Variants in AKAP13 observed in about 807,000 individuals in gnomAD.
AKAP13 encodes A-kinase anchoring protein 13, also known as A-kinase anchor protein 13.
AKAP13 carries 80 observed loss-of-function variants against 264.5 expected under a neutral mutation model. That is an observed-to-expected ratio of 0.30 (90% CI 0.25 to 0.36). AKAP13 has a LOEUF of 0.36. Among genes scored for constraint, AKAP13 ranks in the 10% least tolerant of loss-of-function variants. AKAP13 has a pLI of 1.00. For missense variants in AKAP13, 3,712 were observed against 3,435.2 expected (o/e 1.08, Z -2.01); for synonymous variants, 1,380 against 1,250.2 (o/e 1.10, Z -2.19).
At chr15:85,477,570 T>G (rs1002064865) in intron 1 of AKAP13, among the ~76,000 whole-genome samples, 4 of 149,336 alleles carry the variant, frequency 2.7e-5, no homozygotes, top group African/African-American at 9.9e-5. Context: ...TTTCCAGTGC[T>G]GCTTTTTGTG....
chr15:85,719,983 A>G (rs1012884592), intron 23 of AKAP13, among the ~76,000 whole-genome samples: 1 of 151,976 alleles, frequency 6.6e-6, no homozygotes, highest in Non-Finnish European at 1.5e-5. Flanking sequence ...CTGTAATCCC[A>G]ACAGTTCGGG....
In AKAP13 at chr15:85,724,959, T is replaced by G. The variant is rs1264207859; in HGVS notation, c.6746-1451T>G. ...TCCCTCCAGTCTTAATATTCCATGA[T>G]GTTCTGAGAGCCCTAGCTCTCTTTG... On this transcript the variant is annotated intron_variant, in intron 26 of 36. Coordinates refer to ENST00000394518, the MANE Select transcript of AKAP13 (RefSeq NM_007200.5). The surrounding 1 kb of genome is among the most constrained non-coding windows in gnomAD (Gnocchi z 4.2). 6.6e-6 allele frequency among the ~76,000 whole-genome samples: 1 copy of G among 152,214 alleles called. No individual in the cohort carries two copies. The highest frequency in any genetic ancestry group is 1.5e-5 in the Non-Finnish European group (1 of 68,040).
intron 1 of AKAP13, among the ~76,000 whole-genome samples, 188 bp downstream of exon 1, chr15:85,380,986 G>C (rs992860152): frequency 6.6e-6 from 1 of 152,056 alleles, no homozygotes; most frequent in African/African-American, 2.4e-5. Context: ...TCAGGTCTGC[G>C]GACCCCTCCT....
chr15:85,698,034 AAG>A (rs547121128), intron 17 of AKAP13, among the ~76,000 whole-genome samples: 476 of 152,354 alleles, frequency 3.1e-3, no homozygotes, highest in African/African-American at 0.011. Context: ...GGCTTAAAAA[AAG>A]GAATTCTAAA....
chr15:85,442,475 TTATATAATA>T (rs1173438256), intron 1 of AKAP13, among the ~76,000 whole-genome samples: 7 of 120,650 alleles, frequency 5.8e-5, no homozygotes, highest in East Asian at 4.3e-4. Context: ...ATAATATATA[TTATATAATA>T]TATATAATAT....
intron 16 of AKAP13, among the ~76,000 whole-genome samples, chr15:85,692,090 T>C (rs774639386): frequency 2.0e-5 from 3 of 152,156 alleles, no homozygotes; most frequent in Admixed American, 2.0e-4. Context: ...GGCTCCTTCC[T>C]GTCATCCGTG....
chr15:85,510,470 T>C (rs2076381286), intron 2 of AKAP13, among the ~76,000 whole-genome samples: 1 of 152,184 alleles, frequency 6.6e-6, no homozygotes, highest in African/African-American at 2.4e-5. Context: ...AAGGAAATGT[T>C]TAAAGTAACA....
intron 10 of AKAP13, among the ~76,000 whole-genome samples, chr15:85,654,442 T>C (rs2083005218): frequency 6.6e-6 from 1 of 152,170 alleles, no homozygotes; most frequent in Non-Finnish European, 1.5e-5. Context: ...TGTTTTCATA[T>C]ACAAAAAACC....
intron 13 of AKAP13, among the ~76,000 whole-genome samples, chr15:85,668,362 A>G (rs1458921431): frequency 1.3e-5 from 2 of 152,168 alleles, no homozygotes; most frequent in Admixed American, 6.5e-5. Flanking sequence ...GTCAGTTAAC[A>G]ATTGGAATGG....
At chr15:85,577,144 C>T (rs1313403023) in intron 6 of AKAP13, among the ~76,000 whole-genome samples, 2 of 152,170 alleles carry the variant, frequency 1.3e-5, no homozygotes, top group Non-Finnish European at 2.9e-5. Flanking sequence ...ACTAGAAAGA[C>T]TTTAACAAGC....
intron 33 of AKAP13, among the ~76,000 whole-genome samples, chr15:85,738,663 C>T (rs1479721698): frequency 6.6e-6 from 1 of 151,234 alleles, no homozygotes; most frequent in Non-Finnish European, 1.5e-5. Flanking sequence ...AAGGTGAAAC[C>T]CCGTCTCTAC....
chr15:85,567,696 G>A (rs2078652865), intron 5 of AKAP13, among the ~76,000 whole-genome samples: 1 of 152,092 alleles, frequency 6.6e-6, no homozygotes, highest in Admixed American at 6.6e-5. Context: ...GTTTGGAGAT[G>A]TGTAGTTTTT....
At chr15:85,607,454 G>T (rs1472072377) in intron 8 of AKAP13, among the ~76,000 whole-genome samples, 1 of 151,956 alleles carries the variant, frequency 6.6e-6, no homozygotes, top group Non-Finnish European at 1.5e-5. Context: ...TTCATTTATT[G>T]CTCACACCTT....
At chr15:85,513,886 C>T (rs2076523777) in intron 2 of AKAP13, among the ~76,000 whole-genome samples, 2 of 108,242 alleles carry the variant, frequency 1.8e-5, no homozygotes, top group Admixed American at 9.3e-5. Context: ...TTGGTCAGAG[C>T]ACTGCATAGG....
At chr15:85,472,009 T>G (rs2074978693) in intron 1 of AKAP13, among the ~76,000 whole-genome samples, 2 of 152,194 alleles carry the variant, frequency 1.3e-5, no homozygotes, top group South Asian at 4.1e-4. Flanking sequence ...TCTTTAGTTT[T>G]GTATTTTTTT....
chr15:85,547,830 A>T (rs2077809919), intron 5 of AKAP13, among the ~76,000 whole-genome samples: 1 of 152,062 alleles, frequency 6.6e-6, no homozygotes, highest in Admixed American at 6.5e-5. Context: ...GTCTTGCCTG[A>T]GAAATCTTAG....
chr15:85,645,885 A>G lies in AKAP13; in HGVS notation c.4305A>G (p.Arg1435=). ...CCTCAAAACAAGGTGTACTTAAAAG[A>G]GAATCTGGGAGTGATTCTGACCTCT... is the stretch of plus-strand genomic sequence containing the variant. The part of the protein sequence containing the change: ...ECTSKQGVLK[R]ESGSDSDLFH... The change falls in exon 10 of 37, where the codon AGA becomes AGG. Residue 1435 remains arginine (R), a synonymous_variant. Transcript: ENST00000394518. 1 of 1,613,758 alleles carries G rather than the reference A, an allele frequency of 6.2e-7. No individual in the cohort carries two copies. Among genetic ancestry groups the G allele is most frequent in the Non-Finnish European group, 8.5e-7 (1 of 1,179,996 alleles).
At chr15:85,627,926 C>T (rs16942432) in intron 8 of AKAP13, among the ~76,000 whole-genome samples, 30,836 of 152,128 alleles carry the variant, frequency 0.2, 3,490 homozygotes, top group East Asian at 0.35. Context: ...CTCTTGCAAG[C>T]ATATTGTCCG....
At chr15:85,388,661 T>C (rs968112940) in intron 1 of AKAP13, among the ~76,000 whole-genome samples, 1 of 152,248 alleles carries the variant, frequency 6.6e-6, no homozygotes, top group African/African-American at 2.4e-5. Flanking sequence ...TACGTTGAAA[T>C]AGCTTTGCAT....
Sources: gnomAD v4.1 joint callset for allele counts (sites outside exome capture counted in the v4.1 genomes callset) on GRCh38, gnomAD v4.1.1 for gene constraint, Gnocchi (gnomAD v3.1) non-coding constraint, MANE v1.5 for transcripts, NCBI Gene and HGNC (gene_info 2026-07-23, HGNC 2026-07-21) for gene names.